LPP: variants seen among roughly 807,000 people sequenced by gnomAD.
LPP encodes the protein LIM domain containing preferred translocation partner in lipoma, also known as lipoma-preferred partner.
A neutral mutation model predicts 60.4 loss-of-function variants in LPP; 38 were observed. The ratio of observed to expected loss-of-function variants is 0.63; its 90% CI spans 0.49 to 0.83. The LOEUF (loss-of-function observed/expected upper bound fraction) is 0.83, where lower values mean the gene tolerates loss of function less well. LPP is among the 40% of genes least tolerant of loss of function. The pLI is 0.00. For synonymous variants in LPP, 328 were observed against 290.8 expected (o/e 1.13, Z -1.30); for missense variants, 902 against 783.6 (o/e 1.15, Z -1.80).
chr3:188,357,576 G>T (rs943981792), intron 3 of LPP, among the ~76,000 whole-genome samples: 3 of 152,156 alleles, frequency 2.0e-5, no homozygotes, highest in African/African-American at 7.2e-5. Flanking sequence ...AGGTTGGAGA[G>T]GGTTCATCCA....
chr3:188,481,557 C>A (rs1336524333), intron 4 of LPP, among the ~76,000 whole-genome samples: 1 of 152,090 alleles, frequency 6.6e-6, no homozygotes, highest in Non-Finnish European at 1.5e-5. Context: ...TGTCTGAGTT[C>A]TATTAGAGAA....
intron 9 of LPP, among the ~76,000 whole-genome samples, chr3:188,761,473 G>C (rs577155850): frequency 6.6e-6 from 1 of 152,196 alleles, no homozygotes; most frequent in East Asian, 1.9e-4. Context: ...TCTTTCCAAA[G>C]GTAGCTTAAA....
At chr3:188,672,687 C>A (rs1857183043) in intron 7 of LPP, among the ~76,000 whole-genome samples, 1 of 152,144 alleles carries the variant, frequency 6.6e-6, no homozygotes, top group Non-Finnish European at 1.5e-5. Context: ...TCTTCCTATA[C>A]CTTTGAAGAT....
intron 6 of LPP, chr3:188,562,519 A>G (rs1215525726): frequency 6.6e-6 from 1 of 152,038 alleles, no homozygotes; most frequent in Non-Finnish European, 1.5e-5. Context: ...ACCAATAACA[A>G]AATAAAACTG....
At chr3:188,198,552 A>T (rs899459131) in intron 1 of LPP, among the ~76,000 whole-genome samples, 1 of 152,162 alleles carries the variant, frequency 6.6e-6, no homozygotes, top group Non-Finnish European at 1.5e-5. Flanking sequence ...CTCTCATCTC[A>T]TCCTCATAAC....
chr3:188,675,351 A>T (rs1377879230), intron 7 of LPP, among the ~76,000 whole-genome samples: 1 of 152,222 alleles, frequency 6.6e-6, no homozygotes, highest in Non-Finnish European at 1.5e-5. Context: ...ATTTTTCATT[A>T]GTTGGCTTCC....
chr3:188,775,346 C>G (rs916531159), intron 9 of LPP, among the ~76,000 whole-genome samples: 2 of 152,124 alleles, frequency 1.3e-5, no homozygotes, highest in South Asian at 4.1e-4. Context: ...CCACCACACC[C>G]GGCCCATGCT....
At chr3:188,263,103 A>G (rs1560173513) in intron 2 of LPP, among the ~76,000 whole-genome samples, 1 of 152,286 alleles carries the variant, frequency 6.6e-6, no homozygotes, top group Middle Eastern at 3.4e-3. Flanking sequence ...GACTGCAGCC[A>G]TGCCATCCCT....
At chr3:188,513,314 G>T (rs973937448) in intron 5 of LPP, among the ~76,000 whole-genome samples, 3 of 152,174 alleles carry the variant, frequency 2.0e-5, no homozygotes, top group African/African-American at 7.2e-5. Context: ...ATAATCTGTA[G>T]CAGTGGTTTT....
intron 5 of LPP, among the ~76,000 whole-genome samples, chr3:188,490,772 T>TG (rs1553912546): frequency 2.7e-5 from 4 of 147,544 alleles, no homozygotes; most frequent in African/African-American, 1.0e-4. Context: ...TTTTTTTTTT[T>TG]GGGACAGAGT....
At chr3:188,271,077 T>A (rs1420176132) in intron 2 of LPP, among the ~76,000 whole-genome samples, 1 of 152,198 alleles carries the variant, frequency 6.6e-6, no homozygotes, top group Non-Finnish European at 1.5e-5. Context: ...ATTTTCTAAT[T>A]CTTCCAAATA....
intron 3 of LPP, among the ~76,000 whole-genome samples, chr3:188,351,696 G>A (rs1036488462): frequency 1.3e-5 from 2 of 152,160 alleles, no homozygotes; most frequent in Non-Finnish European, 2.9e-5. Flanking sequence ...GCTCTTTCCT[G>A]TAAGCTCTGA....
chr3:188,264,905 A>G (rs1019168423), intron 2 of LPP, among the ~76,000 whole-genome samples: 3 of 152,184 alleles, frequency 2.0e-5, no homozygotes, highest in African/African-American at 4.8e-5. Flanking sequence ...AAGTAAGCAG[A>G]TGATTTCAAC....
chr3:188,824,799 A>G (rs1424854261), intron 9 of LPP, among the ~76,000 whole-genome samples: 1 of 152,132 alleles, frequency 6.6e-6, no homozygotes, highest in Non-Finnish European at 1.5e-5. Context: ...TGGCACATTT[A>G]TCTGGCTTCA....
At chr3:188,676,119 G>GT (rs1858018341) in intron 7 of LPP, among the ~76,000 whole-genome samples, 1 of 151,996 alleles carries the variant, frequency 6.6e-6, no homozygotes, top group South Asian at 2.1e-4. Flanking sequence ...AAGTGAAAAC[G>GT]TTTTTAAAAA....
intron 4 of LPP, among the ~76,000 whole-genome samples, chr3:188,437,982 A>G (rs1403181535): frequency 6.6e-6 from 1 of 152,170 alleles, no homozygotes; most frequent in African/African-American, 2.4e-5. Flanking sequence ...TTAAGTTGGA[A>G]GATATTTATT....
intron 8 of LPP, among the ~76,000 whole-genome samples, chr3:188,737,071 C>A (rs9833465): frequency 0.22 from 33,094 of 152,000 alleles, 4,198 homozygotes; most frequent in Middle Eastern, 0.43. Context: ...AAACGGAGTA[C>A]TTCCCAATAA....
intron 1 of LPP, among the ~76,000 whole-genome samples, chr3:188,160,157 G>T (rs1717805755): frequency 6.6e-6 from 1 of 151,636 alleles, no homozygotes; most frequent in African/African-American, 2.4e-5. Context: ...TGATCCACCT[G>T]CCTTGGTCTC....
At chr3:188,536,131 C>G (rs1169116783) in intron 6 of LPP, among the ~76,000 whole-genome samples, 1 of 151,728 alleles carries the variant, frequency 6.6e-6, no homozygotes, top group African/African-American at 2.4e-5. Context: ...ACCTCAGCCT[C>G]CTGAGTAACT....
Sources: gnomAD v4.1 joint callset for allele counts (sites outside exome capture counted in the v4.1 genomes callset) on GRCh38, gnomAD v4.1.1 for gene constraint, MANE v1.5 for transcripts, NCBI Gene and HGNC (gene_info 2026-07-23, HGNC 2026-07-21) for gene names.